CACNA1B: variants seen among roughly 807,000 people sequenced by gnomAD.
The protein encoded by CACNA1B is voltage-dependent N-type calcium channel subunit alpha-1B.
CACNA1B carries 70 observed loss-of-function variants against 247.2 expected under a neutral mutation model. That is an observed-to-expected ratio of 0.28 (90% CI 0.23 to 0.35). The LOEUF is 0.35. Ranked by LOEUF, CACNA1B falls within the 10% of genes least tolerant of loss-of-function variation. The pLI, the probability that CACNA1B is intolerant of heterozygous loss-of-function variation, is 1.00. For synonymous variants in CACNA1B, 1,231 were observed against 1,294.4 expected (o/e 0.95, Z 1.05); for missense variants, 2,367 against 3,197.4 (o/e 0.74, Z 6.26).
At chr9:137,923,529 A>T (rs779282635) in intron 6 of CACNA1B, among the ~76,000 whole-genome samples, 16 of 151,572 alleles carry the variant, frequency 1.1e-4, no homozygotes, top group Non-Finnish European at 2.4e-4. Flanking sequence ...GGTGCCAGGT[A>T]GTATTCCGTG....
chr9:138,010,725 T>C lies in CACNA1B; in HGVS notation c.2160+648T>C, dbSNP rs1269388364. Among the ~76,000 whole-genome samples, 1 of 152,182 alleles carries C rather than the reference T, an allele frequency of 6.6e-6. No individual in the cohort carries two copies. The highest frequency in any genetic ancestry group is 1.5e-5 in the Non-Finnish European group (1 of 68,030). On this transcript the variant is annotated intron_variant, in intron 17 of 46. Coordinates refer to ENST00000371372, the MANE Select transcript of CACNA1B (RefSeq NM_000718.4). The surrounding 1 kb of genome is among the most constrained non-coding windows in gnomAD (Gnocchi z 5.3). ...CAGTGTGTACCTGTGTGTCACCATG[T>C]ATGTGTCACTGTGTGCCCTCTTCTG...
chr9:138,022,636 T>A (rs1348106691), intron 18 of CACNA1B, among the ~76,000 whole-genome samples: 3 of 152,170 alleles, frequency 2.0e-5, no homozygotes, highest in Non-Finnish European at 2.9e-5. Flanking sequence ...CGTCCTGCCC[T>A]TTGTAACATG....
At chr9:137,883,267 C>T (rs1360013645) in intron 3 of CACNA1B, among the ~76,000 whole-genome samples, 1 of 150,918 alleles carries the variant, frequency 6.6e-6, no homozygotes, top group Admixed American at 6.6e-5. Flanking sequence ...CTGGCCTCAC[C>T]CAAGCCTGTG....
intron 39 of CACNA1B, among the ~76,000 whole-genome samples, chr9:138,106,855 C>T (rs1264756625): frequency 6.6e-6 from 1 of 152,214 alleles, no homozygotes; most frequent in Admixed American, 6.5e-5. Flanking sequence ...TCTGATTTCC[C>T]TTTCCCACAT....
chr9:137,949,618 T>G (rs1195030947), intron 6 of CACNA1B, among the ~76,000 whole-genome samples: 1 of 152,092 alleles, frequency 6.6e-6, no homozygotes, highest in African/African-American at 2.4e-5. Flanking sequence ...TCTGTGGTTC[T>G]GCCTGGCGGG....
At chr9:137,932,640 A>C (rs1454748192) in intron 6 of CACNA1B, among the ~76,000 whole-genome samples, 1 of 152,110 alleles carries the variant, frequency 6.6e-6, no homozygotes, top group Non-Finnish European at 1.5e-5. Flanking sequence ...AGTAACAATC[A>C]CCCAGAGGTA....
At position 137,974,052 on chromosome 9, in the gene CACNA1B, G is replaced by A. The variant is rs538669116; in HGVS notation, c.1544-1855G>A. The stretch of plus-strand genomic sequence containing the variant: ...CTCGTGTGGGGAGCCCGAGGCCTTT[G>A]TGACCCACGCAGAGGGGCTCTGGGA... On this transcript the variant is annotated intron_variant, in intron 11 of 46. Coordinates refer to ENST00000371372, the MANE Select transcript of CACNA1B (RefSeq NM_000718.4). This position sits in a 1 kb window ranked among gnomAD's most constrained non-coding sequence, Gnocchi z 4.5. Among the ~76,000 whole-genome samples the A allele has an allele frequency of 3.3e-5, 5 of 152,258 alleles. No individual in the cohort carries two copies. In the East Asian group the frequency reaches 9.7e-4, roughly 30 times the overall value.
chr9:138,043,680 G>A (rs1456693029), intron 20 of CACNA1B, 94 bp from the exon 21 acceptor site: 59 of 1,451,738 alleles, frequency 4.1e-5, no homozygotes, highest in Middle Eastern at 2.1e-4. Context: ...AGGACCTGAC[G>A]CAAGTGCCGG....
intron 16 of CACNA1B, among the ~76,000 whole-genome samples, chr9:138,008,122 G>A (rs1958677757): frequency 6.6e-6 from 1 of 152,212 alleles, no homozygotes; most frequent in African/African-American, 2.4e-5. Flanking sequence ...AGAGCCTGAG[G>A]GGGCAGTGTC....
At chr9:138,112,620 TG>T in intron 40 of CACNA1B, 115 bp downstream of exon 40, 1 of 695,414 alleles carries the variant, frequency 1.4e-6, no homozygotes, top group Non-Finnish European at 2.6e-6. Flanking sequence ...CTTGGAGAGG[TG>T]GGCTCACCTC....
chr9:137,912,806 G>A (rs1957372456), intron 3 of CACNA1B, among the ~76,000 whole-genome samples: 1 of 152,118 alleles, frequency 6.6e-6, no homozygotes, highest in South Asian at 2.1e-4. Context: ...AGTGCAGCTG[G>A]GGTTGGTTAG....
chr9:137,931,891 G>A (rs547474231), intron 6 of CACNA1B, among the ~76,000 whole-genome samples: 10 of 152,264 alleles, frequency 6.6e-5, no homozygotes, highest in Middle Eastern at 3.4e-3. Flanking sequence ...GCTAGAGGAA[G>A]GAGCCATGCA....
At chr9:137,948,280 C>T (rs947084774) in intron 6 of CACNA1B, among the ~76,000 whole-genome samples, 11 of 152,138 alleles carry the variant, frequency 7.2e-5, no homozygotes, top group Non-Finnish European at 1.3e-4. Context: ...CACGCCTGGC[C>T]GTATTTCTTT....
intron 31 of CACNA1B, among the ~76,000 whole-genome samples, chr9:138,062,937 G>A (rs1959781281): frequency 6.6e-6 from 1 of 152,262 alleles, no homozygotes; most frequent in South Asian, 2.1e-4. Flanking sequence ...CAGTAGAAGT[G>A]TGAGGTGCAA....
chr9:137,912,891 G>C (rs1477868618), intron 3 of CACNA1B, among the ~76,000 whole-genome samples: 1 of 152,192 alleles, frequency 6.6e-6, no homozygotes, highest in Non-Finnish European at 1.5e-5. Context: ...TCTATTCAGA[G>C]ATGGTGCCTT....
In CACNA1B at chr9:138,122,668, T is replaced by G. The variant is rs201488850; in HGVS notation, c.*669T>G. ...AACCAGAAAAATGGGGAAGGAAATGTTCACATAACTTTAAAAAATCAAACC... is the reference window on the plus strand; with the variant it reads ...AACCAGAAAAATGGGGAAGGAAATGGTCACATAACTTTAAAAAATCAAACC... On this transcript the variant is annotated 3_prime_UTR_variant, in exon 47 of 47. Transcript: ENST00000371372. The G allele has an allele frequency of 6.6e-6, 1 of 152,292 alleles. No individual in the cohort carries two copies. The highest frequency in any genetic ancestry group is 2.4e-5 in the African/African-American group (1 of 41,462). The allele number at this position is 152,292 out of a possible 1,614,324, so 9.4% of individuals were successfully genotyped here.
chr9:138,084,173 C>T (rs1960619074), intron 36 of CACNA1B, among the ~76,000 whole-genome samples: 1 of 151,060 alleles, frequency 6.6e-6, no homozygotes, highest in African/African-American at 2.5e-5. Flanking sequence ...CCCAACTCTG[C>T]CCCAGGGAGC....
intron 3 of CACNA1B, among the ~76,000 whole-genome samples, chr9:137,897,958 A>G (rs1307974982): frequency 6.6e-6 from 1 of 152,158 alleles, no homozygotes; most frequent in Non-Finnish European, 1.5e-5. Flanking sequence ...TAAAAATAAT[A>G]TTCTTTCTGT....
At chr9:137,906,368 C>T in intron 3 of CACNA1B, among the ~76,000 whole-genome samples, 1 of 152,106 alleles carries the variant, frequency 6.6e-6, no homozygotes, top group East Asian at 1.9e-4. Context: ...GAAACTTTTC[C>T]TCCTATGTAA....
Sources: allele counts gnomAD v4.1 joint callset (sites outside exome capture counted in the v4.1 genomes callset), GRCh38; gene constraint gnomAD v4.1.1; non-coding constraint Gnocchi (gnomAD v3.1); transcripts MANE v1.5; gene names NCBI Gene and HGNC (gene_info 2026-07-23, HGNC 2026-07-21).